Variants in CCNL1 observed in about 807,000 individuals in gnomAD.
CCNL1 encodes cyclin-L1.
CCNL1 carries 13 observed loss-of-function variants against 60.6 expected under a neutral mutation model. That is an observed-to-expected ratio of 0.21 (90% confidence interval 0.14 to 0.34). CCNL1 has a LOEUF of 0.34. Ranked by LOEUF, CCNL1 falls within the 10% of genes least tolerant of loss-of-function variation. The pLI is 1.00. For missense variants in CCNL1, 481 were observed against 664.3 expected, an observed-to-expected ratio of 0.72 and a Z score of 3.03; for synonymous variants, 270 against 244.3, an observed-to-expected ratio of 1.10 and a Z score of -0.98.
rs774679522 is a variant in CCNL1 at position 157,159,865 on chromosome 3, G to T, written c.230C>A (p.Pro77His). ...CAGGATGCGTAAGTCCGTCTCACTG[G>T]GCAGGTCGAGCCCATCCTGCATGGA... ...TPSMQDGLDL[P>H]SETDLRILGC... Residue 77 changes from proline to histidine, a missense_variant, in exon 1 of 11, where the codon CCC becomes CAC. Physicochemically the swap from Pro to His is moderately conservative, Grantham distance 77. This residue lies in a region of CCNL1 where 130 missense variants were observed against 174.5 expected (regional missense o/e 0.75). Transcript: ENST00000295926. The T allele has an allele frequency of 3.8e-6, 6 of 1,588,648 alleles. No individual in the cohort carries two copies. Among genetic ancestry groups the T allele is most frequent in the South Asian group, 1.1e-5 (1 of 87,594 alleles).
intron 3 of CCNL1, chr3:157,153,766 G>C (rs1738383489): frequency 6.6e-6 from 1 of 151,956 alleles, no homozygotes; most frequent in African/African-American, 2.4e-5. Flanking sequence ...GGGGGGGTGG[G>C]AACAGTGGGT....
At chr3:157,152,384 T>G in intron 4 of CCNL1, 143 bp from the exon 5 acceptor site, 1 of 1,389,340 alleles carries the variant, frequency 7.2e-7, no homozygotes. Context: ...GTACATAAGA[T>G]TCTAATGTGA....
At position 157,158,967 on chromosome 3, in the gene CCNL1, A is replaced by G. The variant is rs1250857170; in HGVS notation, c.387T>C (p.Ala129=). ...SFVKHSFEIV[A]MACINLASKI... ...TTGATGCAAGATTAATACAAGCCAT[A>G]GCAACAATCTGAAAGAACCCATGAG... Residue 129 remains alanine, a synonymous_variant, in exon 3 of 11, where the codon GCT becomes GCC. Transcript: ENST00000295926. 9.9e-6 allele frequency: 16 copies of G among 1,608,544 alleles called. No homozygotes were observed. The highest frequency in any genetic ancestry group is 1.3e-5 in the Non-Finnish European group (15 of 1,176,516).
chr3:157,150,548 A>G, intron 5 of CCNL1, 167 bp from the exon 6 acceptor site: 1 of 1,374,304 alleles, frequency 7.3e-7, no homozygotes, highest in Non-Finnish European at 9.5e-7. Flanking sequence ...ATCAGTAAGC[A>G]ATAAGAATTT....
intron 1 of CCNL1, 123 bp from the exon 2 acceptor site, chr3:157,159,602 C>T: frequency 1.9e-6 from 2 of 1,060,498 alleles, no homozygotes; most frequent in South Asian, 1.5e-5. Context: ...CTGCGAACAG[C>T]CCGCTGCCAA....
At chr3:157,157,678 T>A (rs1402494220) in intron 3 of CCNL1, among the ~76,000 whole-genome samples, 1 of 152,178 alleles carries the variant, frequency 6.6e-6, no homozygotes, top group African/African-American at 2.4e-5. Context: ...AAGTACTCTA[T>A]CCCTGGACAC....
chr3:157,150,214 T>A lies in CCNL1; in HGVS notation c.775-45A>T, dbSNP rs371485936. 11 of 1,608,854 alleles carry A rather than the reference T, an allele frequency of 6.8e-6. No individual in the cohort carries two copies. In the African/African-American group the frequency reaches 1.5e-4, roughly 22 times the overall value. The stretch of plus-strand genomic sequence containing the variant: ...TGTTTTAAATTAAATTTTTGCTAAA[T>A]CTGTATTGGAACCACCGAAAATTTG... On this transcript the variant is annotated intron_variant, in intron 6 of 10. Transcript: ENST00000295926.
chr3:157,149,282 C>T lies in CCNL1; in HGVS notation c.1232+5G>A. On this transcript the variant is annotated splice_donor_5th_base_variant and intron_variant, in intron 10 of 10. Coordinates refer to ENST00000295926, the MANE Select transcript of CCNL1 (RefSeq NM_020307.4). ...GACTGCTTCCCTAAGAAAACATTTA[C>T]TTACTGTCTTCTTGGAGTATGTGAT... is the stretch of plus-strand genomic sequence containing the variant. 3 of 1,598,096 alleles carry T rather than the reference C, an allele frequency of 1.9e-6. No homozygotes were observed. The highest frequency in any genetic ancestry group is 2.6e-6 in the Non-Finnish European group (3 of 1,165,502).
rs2108117586 is a variant in CCNL1 at position 157,151,142 on chromosome 3, T to G, written c.675-761A>C. 5 of 984,986 alleles carry G rather than the reference T, an allele frequency of 5.1e-6. No individual in the cohort carries two copies. The South Asian group carries it at 2.3e-4, about 46-fold the overall frequency. The allele number at this position is 984,986 out of a possible 1,614,324, so 61.0% of individuals were successfully genotyped here. A position where few individuals can be genotyped will look rare whatever the true frequency, so the allele number is the denominator to read the frequency against. On this transcript the variant is annotated intron_variant, in intron 5 of 10. Coordinates refer to ENST00000295926, the MANE Select transcript of CCNL1 (RefSeq NM_020307.4). Reference sequence around the variant, plus strand: ...ACCATGAGAACTGCTATAATCCATTTTATGCAACACATACTTAAAATGTCA... The same window carrying G: ...ACCATGAGAACTGCTATAATCCATTGTATGCAACACATACTTAAAATGTCA...
rs1737859380 is a variant in CCNL1 at position 157,147,946 on chromosome 3, A to G, written c.*295T>C. 1 of 1,096,976 alleles carries G rather than the reference A, an allele frequency of 9.1e-7. No individual in the cohort carries two copies. The highest frequency in any genetic ancestry group is 1.1e-6 in the Non-Finnish European group (1 of 902,462). The allele number at this position is 1,096,976 out of a possible 1,614,324, so 68.0% of individuals were successfully genotyped here. On this transcript the variant is annotated 3_prime_UTR_variant, in exon 11 of 11. Transcript: ENST00000295926. Reference sequence around the variant, plus strand: ...AATTTTATCTGTATAAAAATAAGATACATTTTTACAGAATTCACGCTCCAG... The same window carrying G: ...AATTTTATCTGTATAAAAATAAGATGCATTTTTACAGAATTCACGCTCCAG...
rs369407739 is a variant in CCNL1, at chr3:157,154,933, TATACATACATACATAC to T, written c.489-1793_489-1778del. On this transcript the variant is annotated intron_variant, in intron 3 of 10. Transcript: ENST00000295926. ...AACAACCTATCTCTCTCTCCATATA[TATACATACATACATAC>T]ATACATACATACATACATACATATA... 6.1e-5 allele frequency among the ~76,000 whole-genome samples: 9 copies of T among 147,886 alleles called. 1 individual carries two copies. In the South Asian group the frequency reaches 1.3e-3, roughly 21 times the overall value.
At chr3:157,146,762 T>A (rs6783595), downstream of CCNL1, among the ~76,000 whole-genome samples, 63,410 of 152,032 alleles carry the variant, frequency 0.42, 13,670 homozygotes, top group East Asian at 0.58. Context: ...CAGAAATATC[T>A]ATTTATAATT....
At position 157,159,494 on chromosome 3, in the gene CCNL1, G is replaced by A. The variant is rs1738894811; in HGVS notation, c.304-15C>T. ...GCCATCGCCACCTGCAGACAAGAGA[G>A]GAGAACGGAAGCGCAGGGGTCAGGC... On this transcript the variant is annotated splice_polypyrimidine_tract_variant and intron_variant, in intron 1 of 10. Transcript: ENST00000295926. 5.0e-6 allele frequency: 8 copies of A among 1,611,748 alleles called. No homozygotes were observed. In the African/African-American group the frequency reaches 5.3e-5, roughly 11 times the overall value.
intron 1 of CCNL1, 75 bp downstream of exon 1, chr3:157,159,717 G>T: frequency 1.5e-6 from 2 of 1,318,998 alleles, no homozygotes; most frequent in Non-Finnish European, 2.0e-6. Flanking sequence ...CCGGGGCACG[G>T]TGATACTGAG....
intron 10 of CCNL1, 118 bp from the exon 11 acceptor site, chr3:157,148,707 C>T (rs62274131): frequency 4.0e-5 from 35 of 871,238 alleles, no homozygotes; most frequent in Non-Finnish European, 5.8e-5. Context: ...CAAACCAGAA[C>T]TTTTCAAAAT....
intron 10 of CCNL1, 22 bp from the exon 11 acceptor site, chr3:157,148,611 G>C (rs1400519554): frequency 6.4e-7 from 1 of 1,559,598 alleles, no homozygotes; most frequent in Non-Finnish European, 8.6e-7. Context: ...AAAATTTGAA[G>C]TTTAGGTTCA....
At chr3:157,152,295 T>C in intron 4 of CCNL1, 54 bp from the exon 5 acceptor site, 4 of 1,574,592 alleles carry the variant, frequency 2.5e-6, no homozygotes, top group South Asian at 1.2e-5. Flanking sequence ...TCTTTCGGAG[T>C]AGAGTTCAAT....
intron 5 of CCNL1, chr3:157,151,504 G>A: frequency 1.2e-5 from 12 of 985,878 alleles, no homozygotes; most frequent in Non-Finnish European, 1.4e-5. Context: ...CAGCCAAGCA[G>A]TTATATAAAT....
chr3:157,151,175 T>C, intron 5 of CCNL1: 1 of 984,958 alleles, frequency 1.0e-6, no homozygotes, highest in Non-Finnish European at 1.2e-6. Flanking sequence ...TCATGCATTT[T>C]ATAAAAATAA....
Sources: gnomAD v4.1 joint callset for allele counts (sites outside exome capture counted in the v4.1 genomes callset) on GRCh38, gnomAD v4.1.1 for gene constraint, gnomAD v4.1.1 regional missense constraint, MANE v1.5 for transcripts, NCBI Gene and HGNC (gene_info 2026-07-23, HGNC 2026-07-21) for gene names.